Variants in NKX3-2 observed in about 807,000 individuals in gnomAD.
NKX3-2 encodes homeobox protein Nkx-3.2.
A neutral mutation model predicts 19.4 loss-of-function variants in NKX3-2; 13 were observed. The ratio of observed to expected loss-of-function variants is 0.67; its 90% CI spans 0.44 to 1.07. The LOEUF (loss-of-function observed/expected upper bound fraction) is 1.07. Among genes scored for constraint, NKX3-2 ranks in the 50% least tolerant of loss-of-function variants. The probability of loss-of-function intolerance (pLI) is 0.00; values close to 1 mark genes in which losing one functional copy is unlikely to be tolerated. For missense variants in NKX3-2, 562 were observed against 488.2 expected, an observed-to-expected ratio of 1.15 and a Z score of -1.42; for synonymous variants, 269 against 230.5, an observed-to-expected ratio of 1.17 and a Z score of -1.51.
chr4:13,547,243 A>C (rs1033942596), upstream of NKX3-2: 1 of 456,210 alleles, frequency 2.2e-6, no homozygotes, highest in African/African-American at 2.0e-5. Flanking sequence ...AAGGCGCAGC[A>C]GGCCTGCGCC....
chr4:13,542,089 G>T lies in NKX3-2; in HGVS notation c.906C>A (p.Pro302=), dbSNP rs1428977299. The T allele has an allele frequency of 3.7e-6, 6 of 1,606,858 alleles. No homozygotes were observed. The Admixed American group carries it at 1.0e-4, about 27-fold the overall frequency. The change falls in exon 2 of 2, where the codon CCC becomes CCA. Residue 302 remains proline (P), a synonymous_variant. Coordinates refer to ENST00000382438, the MANE Select transcript of NKX3-2 (RefSeq NM_001189.4). This position sits in a 1 kb window ranked among gnomAD's most constrained non-coding sequence, Gnocchi z 6.4. ...QYLPGEVLRP[P]SLLPLQPSYY... Reference sequence around the variant, plus strand: ...AGGAGGGCTGCAGTGGCAGAAGCGAGGGTGGCCGCAGCACTTCGCCGGGCA... The same window carrying T: ...AGGAGGGCTGCAGTGGCAGAAGCGATGGTGGCCGCAGCACTTCGCCGGGCA...
rs1037500056 is a variant in NKX3-2, at chr4:13,542,832, T to A, written c.467-304A>T. Among the ~76,000 whole-genome samples, 2 of 151,988 alleles carry A rather than the reference T, an allele frequency of 1.3e-5. No homozygotes were observed. The highest frequency in any genetic ancestry group is 4.8e-5 in the African/African-American group (2 of 41,408). On this transcript the variant is annotated intron_variant, in intron 1 of 1. Coordinates refer to ENST00000382438, the MANE Select transcript of NKX3-2 (RefSeq NM_001189.4). The surrounding 1 kb of genome is among the most constrained non-coding windows in gnomAD (Gnocchi z 6.4). ...GGCTCCCCTCAGTAACTTGGGGCAC[T>A]CGACCCGAGCATCCGCGAAAGCCCT... is the stretch of plus-strand genomic sequence containing the variant.
rs1560165836 is a variant in NKX3-2, at chr4:13,544,337, C to T, written c.78G>A (p.Gly26=). The change falls in exon 1 of 2, where the codon GGG becomes GGA. Residue 26 remains glycine (G), a synonymous_variant. Coordinates refer to ENST00000382438, the MANE Select transcript of NKX3-2 (RefSeq NM_001189.4). ...AILNKKEERG[G]LAAPEGRPAP... ...CCGGGCGCCCCTCTGGCGCGGCCAG[C>T]CCGCCGCGCTCCTCTTTCTTGTTGA... 2 of 1,533,032 alleles carry T rather than the reference C, an allele frequency of 1.3e-6. No individual in the cohort carries two copies. The allele number at this position is 1,533,032 out of a possible 1,614,324, so 95.0% of individuals were successfully genotyped here. A position where few individuals can be genotyped will look rare whatever the true frequency, so the allele number is the denominator to read the frequency against.
chr4:13,547,261 G>A, upstream of NKX3-2: 1 of 456,204 alleles, frequency 2.2e-6, no homozygotes, highest in South Asian at 1.5e-5. Context: ...GCCTGTCGGA[G>A]GACGGCAGAT....
In NKX3-2 at chr4:13,542,554, C is replaced by G. The variant is rs1577284091; in HGVS notation, c.467-26G>C. 2 of 1,596,092 alleles carry G rather than the reference C, an allele frequency of 1.3e-6. No homozygotes were observed. The highest frequency in any genetic ancestry group is 2.7e-5 in the African/African-American group (2 of 74,832). On this transcript the variant is annotated intron_variant, in intron 1 of 1. Transcript: ENST00000382438. This position sits in a 1 kb window ranked among gnomAD's most constrained non-coding sequence, Gnocchi z 6.4. ...CTGCGGACCCCGGTGGGAACAGAAA[C>G]AAGAGACTGTCAGCGCCACAGACGA...
chr4:13,546,905 T>A (rs1389789933), upstream of NKX3-2: 3 of 456,194 alleles, frequency 6.6e-6, no homozygotes, highest in Non-Finnish European at 1.3e-5. Context: ...GACTTTGAGT[T>A]GTCGGGTATT....
At chr4:13,547,012 G>C, upstream of NKX3-2, 1 of 456,292 alleles carries the variant, frequency 2.2e-6, no homozygotes, top group South Asian at 1.5e-5. Context: ...CCATTACGGC[G>C]CTTAGTCGAT....
chr4:13,544,217 G>A lies in NKX3-2; in HGVS notation c.198C>T (p.Ala66=). Residue 66 remains alanine, a synonymous_variant, in exon 1 of 2, where the codon GCC becomes GCT. Transcript: ENST00000382438. ...CAGGAGACGCCAGCAGAGAGTCCTC[G>A]GCGCCCCCCAACGCGCCCGCGTCCC... is the stretch of plus-strand genomic sequence containing the variant. ...GERDAGALGG[A]EDSLLASPAG... is the part of the protein sequence containing the mutation. The A allele has an allele frequency of 6.3e-7, 1 of 1,595,026 alleles. No individual in the cohort carries two copies. The highest frequency in any genetic ancestry group is 1.4e-5 in the African/African-American group (1 of 73,944).
rs606231354 is a variant in NKX3-2 at position 13,544,304 on chromosome 4, CCCGGGCG to C, written c.104_110del (p.Ala35GlyfsTer87). On this transcript the variant is annotated frameshift_variant, in exon 1 of 2. Coordinates refer to ENST00000382438, the MANE Select transcript of NKX3-2 (RefSeq NM_001189.4). LOFTEE classifies it high-confidence loss of function. The stretch of plus-strand genomic sequence containing the variant: ...CCGCGGCCACCGATGCCGCTGTGCC[CCCGGGCG>C]CCGGGCGCCCCTCTGGCGCGGCCAG... 1 of 1,533,434 alleles carries C rather than the reference CCCGGGCG, an allele frequency of 6.5e-7. No individual in the cohort carries two copies. The highest frequency in any genetic ancestry group is 8.7e-7 in the Non-Finnish European group (1 of 1,147,830). 95.0% of individuals were successfully genotyped at this position (1,533,434 alleles called of 1,614,324 possible). A position where few individuals can be genotyped will look rare whatever the true frequency, so the allele number is the denominator to read the frequency against.
At position 13,543,904 on chromosome 4, in the gene NKX3-2, C is replaced by A; in HGVS notation, c.466+45G>T. The A allele has an allele frequency of 6.9e-7, 1 of 1,458,676 alleles. No homozygotes were observed. The highest frequency in any genetic ancestry group is 1.3e-5 in the South Asian group (1 of 74,546). 90.4% of individuals were successfully genotyped at this position (1,458,676 alleles called of 1,614,324 possible). ...CACTCGGCGTGGTTGCCCTCCGCGT[C>A]CATCCCCTCAGCCCGGCCCCCATCC... On this transcript the variant is annotated intron_variant, in intron 1 of 1. Transcript: ENST00000382438. This position sits in a 1 kb window ranked among gnomAD's most constrained non-coding sequence, Gnocchi z 7.1.
At position 13,542,527 on chromosome 4, in the gene NKX3-2, G is replaced by T; in HGVS notation, c.468C>A (p.Gly156=). The change falls in exon 2 of 2, where the codon GGC becomes GGA. Residue 156 remains glycine, a splice_region_variant and synonymous_variant. Coordinates refer to ENST00000382438, the MANE Select transcript of NKX3-2 (RefSeq NM_001189.4). This position sits in a 1 kb window ranked among gnomAD's most constrained non-coding sequence, Gnocchi z 6.4. ...CGTCCTCGGTCCTTGGGCTGCGGTC[G>T]CCTGCGGACCCCGGTGGGAACAGAA... The part of the protein sequence containing the change: ...SDSEMSASVS[G]DRSPRTEDDG... 1 of 1,596,436 alleles carries T rather than the reference G, an allele frequency of 6.3e-7. No individual in the cohort carries two copies. The highest frequency in any genetic ancestry group is 2.2e-5 in the East Asian group (1 of 44,842).
Position 13,542,587 on chromosome 4 carries a change from C to T in NKX3-2, c.467-59G>A. 6.3e-7 allele frequency: 1 copy of T among 1,588,064 alleles called. No individual in the cohort carries two copies. The highest frequency in any genetic ancestry group is 8.5e-7 in the Non-Finnish European group (1 of 1,172,338). On this transcript the variant is annotated intron_variant, in intron 1 of 1. Coordinates refer to ENST00000382438, the MANE Select transcript of NKX3-2 (RefSeq NM_001189.4). This position sits in a 1 kb window ranked among gnomAD's most constrained non-coding sequence, Gnocchi z 6.4. ...TGTCAGCGCCACAGACGAGGTGAGGCCGGGCCTCAACTGCAGGGGTCACGG... is the reference window on the plus strand; with the variant it reads ...TGTCAGCGCCACAGACGAGGTGAGGTCGGGCCTCAACTGCAGGGGTCACGG...
Position 13,541,131 on chromosome 4 carries a change from G to C in NKX3-2, c.*862C>G, listed in dbSNP as rs1289252455. On this transcript the variant is annotated 3_prime_UTR_variant, in exon 2 of 2. Coordinates refer to ENST00000382438, the MANE Select transcript of NKX3-2 (RefSeq NM_001189.4). ...TGGCCAGGGATATTCACATTGAGTA[G>C]AAAAATAATCGTCATTTGAATACAA... 6.6e-6 allele frequency: 1 copy of C among 152,200 alleles called. No homozygotes were observed. Among genetic ancestry groups the C allele is most frequent in the Non-Finnish European group, 1.5e-5 (1 of 68,036 alleles). 9.4% of individuals were successfully genotyped at this position (152,200 alleles called of 1,614,324 possible). A position where few individuals can be genotyped will look rare whatever the true frequency, so the allele number is the denominator to read the frequency against.
Position 13,542,070 on chromosome 4 carries a change from G to A in NKX3-2, c.925C>T (p.Pro309Ser), listed in dbSNP as rs761027159. Reference sequence around the variant, plus strand: ...CAGTAGTACGGGTAATAGTAGGAGGGCTGCAGTGGCAGAAGCGAGGGTGGC... The same window carrying A: ...CAGTAGTACGGGTAATAGTAGGAGGACTGCAGTGGCAGAAGCGAGGGTGGC... The part of the protein sequence containing the change: ...LRPPSLLPLQ[P>S]SYYYPYYCLP... Residue 309 changes from proline (P) to serine (S), a missense_variant, in exon 2 of 2, where the codon CCC (proline) becomes TCC (serine). Coordinates refer to ENST00000382438, the MANE Select transcript of NKX3-2 (RefSeq NM_001189.4). This position sits in a 1 kb window ranked among gnomAD's most constrained non-coding sequence, Gnocchi z 6.4. 1 of 1,608,160 alleles carries A rather than the reference G, an allele frequency of 6.2e-7. No homozygotes were observed. Among genetic ancestry groups the A allele is most frequent in the East Asian group, 2.2e-5 (1 of 44,584 alleles).
rs532232736 is a variant in NKX3-2 at position 13,541,775 on chromosome 4, C to T, written c.*218G>A. On this transcript the variant is annotated 3_prime_UTR_variant, in exon 2 of 2. Transcript: ENST00000382438. ...CAGGTGGGCGATCAGGGCCCCTAGGCCATAGGGTGCCTCTGTTCAAATTAG... is the reference window on the plus strand; with the variant it reads ...CAGGTGGGCGATCAGGGCCCCTAGGTCATAGGGTGCCTCTGTTCAAATTAG... 4.5e-5 allele frequency: 27 copies of T among 601,962 alleles called. No homozygotes were observed. The highest frequency in any genetic ancestry group is 4.4e-4 in the Middle Eastern group (1 of 2,258). The allele number at this position is 601,962 out of a possible 1,614,324, so 37.3% of individuals were successfully genotyped here.
At position 13,542,769 on chromosome 4, in the gene NKX3-2, TGTTGTC is replaced by T. The variant is rs1224050065; in HGVS notation, c.467-247_467-242del. 6.6e-6 allele frequency among the ~76,000 whole-genome samples: 1 copy of T among 152,120 alleles called. No homozygotes were observed. Among genetic ancestry groups the T allele is most frequent in the African/African-American group, 2.4e-5 (1 of 41,438 alleles). On this transcript the variant is annotated intron_variant, in intron 1 of 1. Coordinates refer to ENST00000382438, the MANE Select transcript of NKX3-2 (RefSeq NM_001189.4). This position sits in a 1 kb window ranked among gnomAD's most constrained non-coding sequence, Gnocchi z 6.4. The stretch of plus-strand genomic sequence containing the variant: ...AGACTCAGCCGCTGTGTCAACGCTG[TGTTGTC>T]GAGACCAGCTCCCCACCCTCTCTGG...
Position 13,541,332 on chromosome 4 carries a change from T to G in NKX3-2, c.*661A>C, listed in dbSNP as rs1183399061. 2.0e-5 allele frequency: 3 copies of G among 152,120 alleles called. No individual in the cohort carries two copies. The highest frequency in any genetic ancestry group is 2.9e-5 in the Non-Finnish European group (2 of 68,016). The allele number at this position is 152,120 out of a possible 1,614,324, so 9.4% of individuals were successfully genotyped here. ...AAGGAAGATGTGGAGACCCCCGGCT[T>G]GCACCACACTTGGAGGCTCCCCTCC... is the stretch of plus-strand genomic sequence containing the variant. On this transcript the variant is annotated 3_prime_UTR_variant, in exon 2 of 2. Transcript: ENST00000382438.
At position 13,540,893 on chromosome 4, in the gene NKX3-2, A is replaced by C. The variant is rs1321002124; in HGVS notation, c.*1100T>G. On this transcript the variant is annotated 3_prime_UTR_variant, in exon 2 of 2. Transcript: ENST00000382438. The stretch of plus-strand genomic sequence containing the variant: ...ACAGCGAATAGAGCTTCCAAACTTC[A>C]CAAATCTTTTTACAGTTAATACTCT... 6 of 152,220 alleles carry C rather than the reference A, an allele frequency of 3.9e-5. No homozygotes were observed. The highest frequency in any genetic ancestry group is 1.4e-4 in the African/African-American group (6 of 41,448). The allele number at this position is 152,220 out of a possible 1,614,324, so 9.4% of individuals were successfully genotyped here.
At position 13,541,968 on chromosome 4, in the gene NKX3-2, A is replaced by G; in HGVS notation, c.*25T>C. On this transcript the variant is annotated 3_prime_UTR_variant, in exon 2 of 2. Coordinates refer to ENST00000382438, the MANE Select transcript of NKX3-2 (RefSeq NM_001189.4). ...GGTCCGGAGCCGGAGCGCGGGAATCACTCGCTGCCTCAGCCCAAGCGGGTT... is the reference window on the plus strand; with the variant it reads ...GGTCCGGAGCCGGAGCGCGGGAATCGCTCGCTGCCTCAGCCCAAGCGGGTT... 1 of 1,561,610 alleles carries G rather than the reference A, an allele frequency of 6.4e-7. No individual in the cohort carries two copies. Among genetic ancestry groups the G allele is most frequent in the Non-Finnish European group, 8.7e-7 (1 of 1,153,622 alleles).
Sources: allele counts gnomAD v4.1 joint callset (sites outside exome capture counted in the v4.1 genomes callset), GRCh38; gene constraint gnomAD v4.1.1; non-coding constraint Gnocchi (gnomAD v3.1); transcripts MANE v1.5; gene names NCBI Gene and HGNC (gene_info 2026-07-23, HGNC 2026-07-21).